The following MACROD2 variants were observed in gnomAD, a reference collection of about 807,000 sequenced individuals.
MACROD2 encodes the protein mono-ADP ribosylhydrolase 2, also known as ADP-ribose glycohydrolase MACROD2.
In MACROD2, 36 loss-of-function variants were observed where a neutral mutation model predicts 70.4. That is an observed-to-expected ratio of 0.51 (90% CI 0.39 to 0.68). The LOEUF is 0.68. Among genes scored for constraint, MACROD2 ranks in the 30% least tolerant of loss-of-function variants. MACROD2 has a pLI of 0.00. For synonymous variants in MACROD2, 172 were observed against 178.8 expected (o/e 0.96, Z 0.30); for missense variants, 496 against 538.4 (o/e 0.92, Z 0.78).
intron 8 of MACROD2, among the ~76,000 whole-genome samples, chr20:15,691,907 C>G (rs2050303809): frequency 6.6e-6 from 1 of 152,176 alleles, no homozygotes; most frequent in Non-Finnish European, 1.5e-5. Context: ...GATTTAATTT[C>G]TCATGTCAAC....
At chr20:16,024,827 C>T (rs527364576) in intron 15 of MACROD2, among the ~76,000 whole-genome samples, 115 of 152,178 alleles carry the variant, frequency 7.6e-4, no homozygotes, top group African/African-American at 2.2e-3. Context: ...TTTTTTTTTA[C>T]GAGCAAAAAT....
chr20:15,820,182 T>G (rs915062681), intron 8 of MACROD2, among the ~76,000 whole-genome samples: 1 of 152,068 alleles, frequency 6.6e-6, no homozygotes, highest in Non-Finnish European at 1.5e-5. Flanking sequence ...GCCCGTCTTT[T>G]TTCTTTTTGG....
chr20:15,622,662 T>C (rs2049144966), intron 8 of MACROD2, among the ~76,000 whole-genome samples: 1 of 152,062 alleles, frequency 6.6e-6, no homozygotes, highest in African/African-American at 2.4e-5. Flanking sequence ...ATTTCTGCAG[T>C]TTCCCATTTA....
intron 4 of MACROD2, among the ~76,000 whole-genome samples, chr20:14,556,733 A>C (rs545524208): frequency 6.6e-6 from 1 of 152,072 alleles, no homozygotes; most frequent in Non-Finnish European, 1.5e-5. Flanking sequence ...TTTTGAAAAG[A>C]TAAAGAAATC....
intron 15 of MACROD2, among the ~76,000 whole-genome samples, chr20:15,995,717 G>C (rs973821688): frequency 7.2e-6 from 1 of 138,858 alleles, no homozygotes; most frequent in Non-Finnish European, 1.5e-5. Flanking sequence ...GTGTTTGTCT[G>C]TGTCTTATTT....
chr20:15,082,746 G>A (rs1156317147), intron 5 of MACROD2, among the ~76,000 whole-genome samples: 3 of 151,884 alleles, frequency 2.0e-5, no homozygotes, highest in Non-Finnish European at 4.4e-5. Context: ...CCTTTGAATA[G>A]CAATGCTTTG....
At chr20:14,946,037 G>C (rs968702026) in intron 5 of MACROD2, among the ~76,000 whole-genome samples, 2 of 152,074 alleles carry the variant, frequency 1.3e-5, no homozygotes, top group Non-Finnish European at 2.9e-5. Context: ...GTGAAACCCT[G>C]TCTCTACTAA....
At chr20:14,055,442 G>A (rs1174035741) in intron 2 of MACROD2, among the ~76,000 whole-genome samples, 1 of 147,030 alleles carries the variant, frequency 6.8e-6, no homozygotes, top group Admixed American at 7.0e-5. Context: ...CTCTTTTATT[G>A]CTCTTCCATT....
intron 8 of MACROD2, among the ~76,000 whole-genome samples, chr20:15,547,919 T>G (rs1318001814): frequency 1.3e-5 from 2 of 152,228 alleles, no homozygotes; most frequent in Non-Finnish European, 2.9e-5. Context: ...CTAGTAATTG[T>G]GTCTCAGTGA....
intron 6 of MACROD2, among the ~76,000 whole-genome samples, chr20:15,331,700 T>C (rs567647493): frequency 9.9e-5 from 15 of 151,648 alleles, no homozygotes; most frequent in Non-Finnish European, 2.1e-4. Flanking sequence ...AAAACTTCTC[T>C]TCTCATGTCA....
At chr20:15,425,027 A>C (rs1270844895) in intron 6 of MACROD2, among the ~76,000 whole-genome samples, 1 of 152,210 alleles carries the variant, frequency 6.6e-6, no homozygotes, top group Non-Finnish European at 1.5e-5. Flanking sequence ...CTGGCATGAA[A>C]AAAGAAAGAG....
At chr20:14,496,097 T>C (rs1440694239) in intron 4 of MACROD2, among the ~76,000 whole-genome samples, 1 of 152,220 alleles carries the variant, frequency 6.6e-6, no homozygotes, top group Non-Finnish European at 1.5e-5. Context: ...GACAAATCTT[T>C]TTAATCCTCT....
chr20:14,857,729 G>A (rs2073270215), intron 5 of MACROD2, among the ~76,000 whole-genome samples: 1 of 152,140 alleles, frequency 6.6e-6, no homozygotes, highest in African/African-American at 2.4e-5. Context: ...CTCACATTAA[G>A]TTCAATAAAA....
intron 10 of MACROD2, among the ~76,000 whole-genome samples, chr20:15,891,361 C>A (rs6135589): frequency 0.12 from 17,684 of 152,070 alleles, 1,341 homozygotes; most frequent in East Asian, 0.39. Context: ...AGCGGGGCCC[C>A]AATGACATGC....
intron 8 of MACROD2, among the ~76,000 whole-genome samples, chr20:15,626,739 C>T (rs2049208281): frequency 6.6e-6 from 1 of 152,058 alleles, no homozygotes; most frequent in African/African-American, 2.4e-5. Context: ...CCTGTAGTCC[C>T]AGCTACTCAG....
rs556122974 is a variant in MACROD2 at position 15,743,162 on chromosome 20, C to A, written c.646-119583C>A. 5.3e-5 allele frequency among the ~76,000 whole-genome samples: 8 copies of A among 152,236 alleles called. No homozygotes were observed. The East Asian group carries it at 1.4e-3, about 26-fold the overall frequency. ...AGGCTGGGCTGGCTGAGTTATTAGG[C>A]CTCTGTAGCTAACCAGGCCTGCATC... On this transcript the variant is annotated intron_variant, in intron 8 of 17. Coordinates refer to ENST00000684519, the MANE Select transcript of MACROD2 (RefSeq NM_001351661.2).
chr20:14,872,567 C>T (rs544276212), intron 5 of MACROD2, among the ~76,000 whole-genome samples: 12 of 152,054 alleles, frequency 7.9e-5, no homozygotes. Flanking sequence ...TTTATTAAAC[C>T]TCTTTGCTTC....
At chr20:14,909,060 T>A (rs6034060) in intron 5 of MACROD2, among the ~76,000 whole-genome samples, 138,096 of 152,212 alleles carry the variant, frequency 0.91, 62,828 homozygotes, top group East Asian at 1. Flanking sequence ...AATATTCTGT[T>A]TCACCATATA....
intron 8 of MACROD2, among the ~76,000 whole-genome samples, chr20:15,644,820 G>A (rs937051469): frequency 6.6e-6 from 1 of 152,146 alleles, no homozygotes; most frequent in African/African-American, 2.4e-5. Context: ...CTCCCAAGTA[G>A]CTGGGATTAC....
Sources: allele counts gnomAD v4.1 joint callset (sites outside exome capture counted in the v4.1 genomes callset), GRCh38; gene constraint gnomAD v4.1.1; transcripts MANE v1.5; gene names NCBI Gene and HGNC (gene_info 2026-07-23, HGNC 2026-07-21).